The following ZRANB3 variants were observed in gnomAD, a reference collection of about 807,000 sequenced individuals.
ZRANB3 encodes zinc finger RANBP2-type containing 3.
In ZRANB3, 125 loss-of-function variants were observed where a neutral mutation model predicts 133.8. That is an observed-to-expected ratio of 0.93 (90% CI 0.81 to 1.08). The LOEUF (loss-of-function observed/expected upper bound fraction) is 1.08, where lower values mean the gene tolerates loss of function less well. ZRANB3 is among the 50% of genes least tolerant of loss of function. ZRANB3 has a pLI of 0.00. For missense variants in ZRANB3, 1,229 were observed against 1,275.5 expected (o/e 0.96, Z 0.56); for synonymous variants, 387 against 432.7 (o/e 0.89, Z 1.31).
intron 3 of ZRANB3, among the ~76,000 whole-genome samples, chr2:135,359,407 G>A (rs1675964358): frequency 6.6e-6 from 1 of 151,882 alleles, no homozygotes; most frequent in South Asian, 2.1e-4. Context: ...AACAGAGAGA[G>A]ACTCTGTCTC....
intron 2 of ZRANB3, among the ~76,000 whole-genome samples, chr2:135,412,162 A>G (rs190569818): frequency 1.3e-3 from 202 of 152,310 alleles, no homozygotes; most frequent in African/African-American, 4.5e-3. Flanking sequence ...CATGTCCACA[A>G]TATAGAGACT....
chr2:135,250,018 A>C (rs1368488225), intron 12 of ZRANB3, among the ~76,000 whole-genome samples: 2 of 152,188 alleles, frequency 1.3e-5, no homozygotes, highest in Non-Finnish European at 2.9e-5. Context: ...AAAATGTGGG[A>C]AAGTTTAGAA....
At chr2:135,446,080 CCTGTAA>C (rs1690008874) in intron 2 of ZRANB3, among the ~76,000 whole-genome samples, 2 of 151,538 alleles carry the variant, frequency 1.3e-5, no homozygotes, top group African/African-American at 4.9e-5. Context: ...GTGGTGAGTG[CCTGTAA>C]TCCCAGCAAC....
chr2:135,481,755 C>G (rs910111377), intron 2 of ZRANB3, among the ~76,000 whole-genome samples: 1 of 150,726 alleles, frequency 6.6e-6, no homozygotes, highest in African/African-American at 2.5e-5. Context: ...TTAGGTATAA[C>G]GTTTAAGTCT....
At chr2:135,357,094 G>A (rs189545891) in intron 3 of ZRANB3, among the ~76,000 whole-genome samples, 7 of 152,020 alleles carry the variant, frequency 4.6e-5, no homozygotes, top group East Asian at 1.9e-4. Context: ...TGATTTTCTT[G>A]ATGATGTTGT....
intron 8 of ZRANB3, among the ~76,000 whole-genome samples, chr2:135,306,487 T>C (rs1034122101): frequency 1.3e-5 from 2 of 149,628 alleles, no homozygotes; most frequent in African/African-American, 4.9e-5. Flanking sequence ...GGAGACAGGG[T>C]TTCACCATGT....
At chr2:135,301,810 C>A (rs1284556153) in intron 8 of ZRANB3, among the ~76,000 whole-genome samples, 3 of 152,166 alleles carry the variant, frequency 2.0e-5, no homozygotes, top group African/African-American at 7.2e-5. Flanking sequence ...GCACTAAATA[C>A]ACACTATTGT....
In ZRANB3 at chr2:135,251,447, C is replaced by T. The variant is rs192536649; in HGVS notation, c.1539+14087G>A. 4.7e-3 allele frequency among the ~76,000 whole-genome samples: 710 copies of T among 152,026 alleles called. 2 individuals carry two copies. Among genetic ancestry groups the T allele is most frequent in the South Asian group, 0.015 (71 of 4,810 alleles). On this transcript the variant is annotated intron_variant, in intron 12 of 20. Transcript: ENST00000264159. ...ACATGAGATTTGGAGGGGCCAGGGG[C>T]GGAATGATATAGTTTGGCTGTGTCC...
chr2:135,393,862 T>C (rs1191223324), intron 2 of ZRANB3, among the ~76,000 whole-genome samples: 2 of 152,046 alleles, frequency 1.3e-5, no homozygotes, highest in Admixed American at 6.6e-5. Context: ...CAGAAGTTAT[T>C]AACCTTTTTT....
chr2:135,430,636 T>G (rs1482985798), intron 2 of ZRANB3, among the ~76,000 whole-genome samples: 1 of 152,168 alleles, frequency 6.6e-6, no homozygotes, highest in Non-Finnish European at 1.5e-5. Flanking sequence ...TAGAGTTTTC[T>G]CAATATAAGA....
intron 12 of ZRANB3, among the ~76,000 whole-genome samples, chr2:135,239,759 C>T (rs955327452): frequency 4.0e-5 from 6 of 151,278 alleles, no homozygotes; most frequent in African/African-American, 4.9e-5. Flanking sequence ...GAAGCTGAGG[C>T]GGGTGGATCA....
intron 17 of ZRANB3, among the ~76,000 whole-genome samples, chr2:135,215,323 C>T (rs576301108): frequency 6.6e-6 from 1 of 152,114 alleles, no homozygotes; most frequent in African/African-American, 2.4e-5. Flanking sequence ...GTGGCACAAT[C>T]ATGGGTCACT....
chr2:135,250,974 G>C (rs1297478039), intron 12 of ZRANB3, among the ~76,000 whole-genome samples: 6 of 152,174 alleles, frequency 3.9e-5, no homozygotes, highest in Non-Finnish European at 4.4e-5. Flanking sequence ...CCTGTACCAT[G>C]CTCCTGGAAA....
intron 2 of ZRANB3, among the ~76,000 whole-genome samples, chr2:135,448,736 T>C (rs1690137563): frequency 6.6e-6 from 1 of 152,162 alleles, no homozygotes; most frequent in Admixed American, 6.5e-5. Context: ...ACTTCAGATA[T>C]AGACAAAAGA....
intron 15 of ZRANB3, among the ~76,000 whole-genome samples, chr2:135,220,744 A>G (rs774760310): frequency 3.3e-5 from 5 of 151,610 alleles, no homozygotes; most frequent in Non-Finnish European, 7.4e-5. Context: ...AAACCCTGAT[A>G]TAGACTTGGG....
chr2:135,463,422 G>T (rs1054858149), intron 2 of ZRANB3, among the ~76,000 whole-genome samples: 2 of 144,496 alleles, frequency 1.4e-5, no homozygotes, highest in East Asian at 2.0e-4. Flanking sequence ...GGAATATGTT[G>T]TTTTTTTTTT....
At chr2:135,266,738 C>G (rs531945020) in intron 11 of ZRANB3, among the ~76,000 whole-genome samples, 1 of 151,876 alleles carries the variant, frequency 6.6e-6, no homozygotes, top group Admixed American at 6.6e-5. Context: ...ATACTCCAGC[C>G]TGGGCGATAG....
In ZRANB3 at chr2:135,230,894, A is replaced by G; in HGVS notation, c.1573T>C (p.Phe525Leu). Residue 525 changes from phenylalanine (F) to leucine (L), a missense_variant, in exon 13 of 21, where the codon TTT becomes CTT. Coordinates refer to ENST00000264159, the MANE Select transcript of ZRANB3 (RefSeq NM_032143.4). The part of the protein sequence containing the change: ...EKEKQHDIRS[F>L]FVPQPKKRQL... ...CTTTTTTTAGGTTGTGGTACAAAAA[A>G]TGATCGAATATCATGCTGTTTTTCT... 1 of 1,577,050 alleles carries G rather than the reference A, an allele frequency of 6.3e-7. No individual in the cohort carries two copies. The highest frequency in any genetic ancestry group is 1.4e-5 in the African/African-American group (1 of 73,320).
chr2:135,214,337 C>T (rs894907854), intron 17 of ZRANB3, among the ~76,000 whole-genome samples: 2 of 152,070 alleles, frequency 1.3e-5, no homozygotes, highest in Non-Finnish European at 2.9e-5. Context: ...CTTAAAAATA[C>T]AAATCTGATT....
Sources: gnomAD v4.1 joint callset for allele counts (sites outside exome capture counted in the v4.1 genomes callset) on GRCh38, gnomAD v4.1.1 for gene constraint, MANE v1.5 for transcripts, NCBI Gene and HGNC (gene_info 2026-07-23, HGNC 2026-07-21) for gene names.